The following GRIN3B variants were observed in gnomAD, a reference collection of about 807,000 sequenced individuals.
GRIN3B encodes the protein glutamate receptor ionotropic, NMDA 3B.
In GRIN3B, 77 loss-of-function variants were observed where a neutral mutation model predicts 66.0. That is an observed-to-expected ratio of 1.17 (90% CI 0.97 to 1.41). GRIN3B has a LOEUF of 1.41. Among genes scored for constraint, GRIN3B ranks in the 40% most tolerant of loss-of-function variants. The pLI is 0.00. For missense variants in GRIN3B, 1,787 were observed against 1,564.5 expected, an observed-to-expected ratio of 1.14 and a Z score of -2.40; for synonymous variants, 823 against 749.7, an observed-to-expected ratio of 1.10 and a Z score of -1.60.
rs1382748465 is a variant in GRIN3B, at chr19:1,008,637, A to T, written c.2486A>T (p.Tyr829Phe). Residue 829 changes from tyrosine to phenylalanine, a missense_variant, in exon 7 of 9, where the codon TAC becomes TTC. Tyr to Phe is a conservative substitution (Grantham distance 22). Transcript: ENST00000234389. ...AVTETLQMSI[Y>F]HFAGLFVLLC... ...CCCCAGACCCTGCAGATGAGCATCT[A>T]CCACTTCGCGGGCCTCTTCGTGTTG... 6.2e-7 allele frequency: 1 copy of T among 1,600,572 alleles called. No homozygotes were observed.
In GRIN3B at chr19:1,007,639, G is replaced by C; in HGVS notation, c.2064G>C (p.Pro688=). ...SGIHDPKLHH[P]AQGFRFGTVW... ...GGTCCCCCGCGCAGCTGCACCACCC[G>C]GCGCAGGGCTTCCGCTTCGGCACCG... The change falls in exon 4 of 9, where the codon CCG becomes CCC. Residue 688 remains proline (P), a synonymous_variant. Transcript: ENST00000234389. The surrounding 1 kb of genome is among the most constrained non-coding windows in gnomAD (Gnocchi z 4.4). 6.6e-7 allele frequency: 1 copy of C among 1,516,252 alleles called. No individual in the cohort carries two copies. Among genetic ancestry groups the C allele is most frequent in the South Asian group, 1.2e-5 (1 of 80,288 alleles). 93.9% of individuals were successfully genotyped at this position (1,516,252 alleles called of 1,614,324 possible).
At position 1,007,796 on chromosome 19, in the gene GRIN3B, G is replaced by A. The variant is rs1318984294; in HGVS notation, c.2198+23G>A. The A allele has an allele frequency of 1.6e-5, 24 of 1,515,056 alleles. No individual in the cohort carries two copies. Among genetic ancestry groups the A allele is most frequent in the Non-Finnish European group, 2.1e-5 (24 of 1,131,254 alleles). 93.9% of individuals were successfully genotyped at this position (1,515,056 alleles called of 1,614,324 possible). On this transcript the variant is annotated intron_variant, in intron 4 of 8. Transcript: ENST00000234389. The surrounding 1 kb of genome is among the most constrained non-coding windows in gnomAD (Gnocchi z 4.4). ...CACGTGAGCCCGGGCGCGGGGTGAG[G>A]CGGGGGCGGGGCGTGGGGTGGGCGG...
chr19:1,004,928 G>A lies in GRIN3B; in HGVS notation c.1427G>A (p.Cys476Tyr), dbSNP rs758162921. 3 of 1,611,976 alleles carry A rather than the reference G, an allele frequency of 1.9e-6. No individual in the cohort carries two copies. The highest frequency in any genetic ancestry group is 2.5e-6 in the Non-Finnish European group (3 of 1,179,546). Residue 476 changes from cysteine (C) to tyrosine (Y), a missense_variant, in exon 3 of 9, where the codon TGC (cysteine) becomes TAC (tyrosine). Coordinates refer to ENST00000234389, the MANE Select transcript of GRIN3B (RefSeq NM_138690.3). ...GCGCCCCGTGCCCTGCGCAAGTGCT[G>A]CTACGGCTACTGCATTGACCTGCTG... ...GSAPRALRKC[C>Y]YGYCIDLLER... is the part of the protein sequence containing the mutation.
chr19:1,008,123 T>C lies in GRIN3B; in HGVS notation c.2315-17T>C, dbSNP rs1555737987. The C allele has an allele frequency of 6.3e-7, 1 of 1,580,588 alleles. No individual in the cohort carries two copies. The highest frequency in any genetic ancestry group is 8.6e-7 in the Non-Finnish European group (1 of 1,163,262). On this transcript the variant is annotated splice_polypyrimidine_tract_variant and intron_variant, in intron 5 of 8. Coordinates refer to ENST00000234389, the MANE Select transcript of GRIN3B (RefSeq NM_138690.3). ...GGCTGTCCCACCTGGCCCCACCGCC[T>C]GGCCCCGCGCCCCCAGGCTATGGGA...
In GRIN3B at chr19:1,007,616, TC is replaced by T; in HGVS notation, c.2053-7del. 3.4e-6 allele frequency: 5 copies of T among 1,480,256 alleles called. No individual in the cohort carries two copies. The highest frequency in any genetic ancestry group is 2.7e-6 in the Non-Finnish European group (3 of 1,118,198). 91.7% of individuals were successfully genotyped at this position (1,480,256 alleles called of 1,614,324 possible). ...GGGGCAGGCAGAGGCGCTGACGGGGTCCCCCGCGCAGCTGCACCACCCGGCG... is the reference window on the plus strand; with the variant it reads ...GGGGCAGGCAGAGGCGCTGACGGGGTCCCCGCGCAGCTGCACCACCCGGCG... On this transcript the variant is annotated splice_polypyrimidine_tract_variant and intron_variant, in intron 3 of 8. Transcript: ENST00000234389. This position sits in a 1 kb window ranked among gnomAD's most constrained non-coding sequence, Gnocchi z 4.4.
In GRIN3B at chr19:1,003,430, G is replaced by A. The variant is rs771659930; in HGVS notation, c.727G>A (p.Ala243Thr). 15 of 1,542,650 alleles carry A rather than the reference G, an allele frequency of 9.7e-6. No homozygotes were observed. The highest frequency in any genetic ancestry group is 1.7e-4 in the Middle Eastern group (1 of 5,948). The change falls in exon 2 of 9, where the codon GCC becomes ACC. Residue 243 changes from alanine (A) to threonine (T), a missense_variant. Ala to Thr is a moderately conservative substitution (Grantham distance 58, BLOSUM62 0). Coordinates refer to ENST00000234389, the MANE Select transcript of GRIN3B (RefSeq NM_138690.3). ...PAAVLLGCDI[A>T]RARRVLEAVP... ...GGCGGTCCTCCTCGGCTGTGACATC[G>A]CCCGTGCCCGTCGGGTGCTGGAGGC...
rs1568391328 is a variant in GRIN3B at position 1,005,565 on chromosome 19, CGGGGGGCTGCGGGTGGCCTT to C, written c.2052+21_2052+40del. On this transcript the variant is annotated intron_variant, in intron 3 of 8. Transcript: ENST00000234389. The surrounding 1 kb of genome is among the most constrained non-coding windows in gnomAD (Gnocchi z 5.2). ...TCCACGACCCCAAGGTGGGCGGCCT[CGGGGGGCTGCGGGTGGCCTT>C]GGGGGGCTAGCGGTGGCCCCGGGCT... The C allele has an allele frequency of 5.2e-6, 8 of 1,543,560 alleles. No homozygotes were observed. Among genetic ancestry groups the C allele is most frequent in the Non-Finnish European group, 6.1e-6 (7 of 1,142,340 alleles).
rs777972190 is a variant in GRIN3B, at chr19:1,007,820, G to T, written c.2199-36G>T. 1.9e-6 allele frequency: 3 copies of T among 1,553,472 alleles called. No homozygotes were observed. The highest frequency in any genetic ancestry group is 4.9e-5 in the East Asian group (2 of 41,134). Reference sequence around the variant, plus strand: ...GGCGGGGGCGGGGCGTGGGGTGGGCGGGGCGATGGCTGACCCCCGCCCCCG... The same window carrying T: ...GGCGGGGGCGGGGCGTGGGGTGGGCTGGGCGATGGCTGACCCCCGCCCCCG... On this transcript the variant is annotated intron_variant, in intron 4 of 8. Transcript: ENST00000234389. The surrounding 1 kb of genome is among the most constrained non-coding windows in gnomAD (Gnocchi z 4.4).
chr19:1,002,521 G>A (rs2038694622), intron 1 of GRIN3B: 1 of 152,286 alleles, frequency 6.6e-6, no homozygotes, highest in Admixed American at 6.5e-5. Flanking sequence ...GGGCACAAGG[G>A]GGCCCCTCAG....
intron 1 of GRIN3B, among the ~76,000 whole-genome samples, chr19:1,001,229 C>T (rs759029976): frequency 1.3e-5 from 2 of 152,032 alleles, no homozygotes; most frequent in Non-Finnish European, 2.9e-5. Flanking sequence ...AGACCCTTCC[C>T]TGGTCCCTGG....
At position 1,008,953 on chromosome 19, in the gene GRIN3B, G is replaced by A. The variant is rs373381679; in HGVS notation, c.2702+26G>A. 2.1e-5 allele frequency: 34 copies of A among 1,581,534 alleles called. No individual in the cohort carries two copies. The African/African-American group carries it at 4.2e-4, about 19-fold the overall frequency. On this transcript the variant is annotated intron_variant, in intron 8 of 8. Transcript: ENST00000234389. ...GTAAGTGGTGGTCGGGGCGGACCAC[G>A]ATGCAGGACCACCCAGACCCACCAC...
chr19:1,005,132 TCACCAGCCCCTTCTTCTC>T lies in GRIN3B; in HGVS notation c.1640_1657del (p.Pro547_Ser552del), dbSNP rs2038732455. 2.5e-6 allele frequency: 4 copies of T among 1,613,224 alleles called. No homozygotes were observed. Among genetic ancestry groups the T allele is most frequent in the Non-Finnish European group, 3.4e-6 (4 of 1,179,928 alleles). ...TCCGCCCGCTCACAGGTGGTGGACT[TCACCAGCCCCTTCTTCTC>T]CACCAGCCTGGGCATCATGGTGCGG... On this transcript the variant is annotated inframe_deletion, in exon 3 of 9. Coordinates refer to ENST00000234389, the MANE Select transcript of GRIN3B (RefSeq NM_138690.3). The surrounding 1 kb of genome is among the most constrained non-coding windows in gnomAD (Gnocchi z 5.2).
Position 1,000,479 on chromosome 19 carries a change from G to T in GRIN3B, c.42G>T (p.Ala14=), listed in dbSNP as rs1253348623. 3 of 1,208,496 alleles carry T rather than the reference G, an allele frequency of 2.5e-6. No homozygotes were observed. Among genetic ancestry groups the T allele is most frequent in the Non-Finnish European group, 3.1e-6 (3 of 971,980 alleles). 74.9% of individuals were successfully genotyped at this position (1,208,496 alleles called of 1,614,324 possible). ...VRALWLGLAL[A]LGPGSAGGHP... is the part of the protein sequence containing the mutation. ...CGCTGTGGCTGGGCCTGGCGCTGGCGCTGGGGCCGGGGTCCGCGGGGGGCC... is the reference window on the plus strand; with the variant it reads ...CGCTGTGGCTGGGCCTGGCGCTGGCTCTGGGGCCGGGGTCCGCGGGGGGCC... The change falls in exon 1 of 9, where the codon GCG becomes GCT. Residue 14 remains alanine (A), a synonymous_variant. Coordinates refer to ENST00000234389, the MANE Select transcript of GRIN3B (RefSeq NM_138690.3).
rs1182407511 is a variant in GRIN3B at position 1,003,380 on chromosome 19, TG to T, written c.683del (p.Gly228ValfsTer129). 4.5e-6 allele frequency: 7 copies of T among 1,567,964 alleles called. No individual in the cohort carries two copies. The highest frequency in any genetic ancestry group is 2.6e-6 in the Non-Finnish European group (3 of 1,162,216). ...CGCCTGGCCCCGATGGCGGCGCCAG[TG>T]GGGGGTGAAGCACCGGTACCCGCGG... ...RARLAPMAAP[V>X]GGEAPVPAAV... is the part of the protein sequence containing the mutation. On this transcript the variant is annotated frameshift_variant, in exon 2 of 9. Coordinates refer to ENST00000234389, the MANE Select transcript of GRIN3B (RefSeq NM_138690.3). LOFTEE classifies it high-confidence loss of function.
At chr19:1,008,421 C>G in intron 6 of GRIN3B, 130 bp downstream of exon 6, 1 of 1,065,508 alleles carries the variant, frequency 9.4e-7, no homozygotes. Context: ...CACTTCTATT[C>G]ACCCTACAAA....
Position 1,005,651 on chromosome 19 carries a change from C to T in GRIN3B, c.2052+98C>T, listed in dbSNP as rs928056236. The T allele has an allele frequency of 6.1e-5, 56 of 919,414 alleles. No homozygotes were observed. The highest frequency in any genetic ancestry group is 2.4e-4 in the Admixed American group (8 of 34,010). The allele number at this position is 919,414 out of a possible 1,614,324, so 57.0% of individuals were successfully genotyped here. A position where few individuals can be genotyped will look rare whatever the true frequency, so the allele number is the denominator to read the frequency against. ...GGGGTGGTCAGCTGGACGTGGAGGA[C>T]GTCCACTAGGCCAACTCTGGTCCCA... On this transcript the variant is annotated intron_variant, in intron 3 of 8. Transcript: ENST00000234389. The surrounding 1 kb of genome is among the most constrained non-coding windows in gnomAD (Gnocchi z 5.2).
chr19:1,008,323 TG>T (rs753815924), intron 6 of GRIN3B, 32 bp downstream of exon 6: 1 of 103,232 alleles, frequency 9.7e-6, no homozygotes, highest in South Asian at 5.8e-5. Flanking sequence ...AGGGTGGGGG[TG>T]GGGGTGGGCG....
At position 1,005,342 on chromosome 19, in the gene GRIN3B, T is replaced by C. The variant is rs1196256188; in HGVS notation, c.1841T>C (p.Phe614Ser). The change falls in exon 3 of 9, where the codon TTC becomes TCC. Residue 614 changes from phenylalanine to serine, a missense_variant. Coordinates refer to ENST00000234389, the MANE Select transcript of GRIN3B (RefSeq NM_138690.3). The surrounding 1 kb of genome is among the most constrained non-coding windows in gnomAD (Gnocchi z 5.2). Reference protein sequence around the residue: ...TPRGRNRSTVFSYSSALNLCY... With the variant: ...TPRGRNRSTVSSYSSALNLCY... Reference sequence around the variant, plus strand: ...CGTGGCCGCAACCGCAGCACCGTCTTCTCCTACTCCTCAGCCCTCAACCTG... The same window carrying C: ...CGTGGCCGCAACCGCAGCACCGTCTCCTCCTACTCCTCAGCCCTCAACCTG... 10 of 1,613,632 alleles carry C rather than the reference T, an allele frequency of 6.2e-6. No individual in the cohort carries two copies. Among genetic ancestry groups the C allele is most frequent in the Non-Finnish European group, 7.6e-6 (9 of 1,180,018 alleles).
At chr19:1,009,015 G>A in intron 8 of GRIN3B, 88 bp downstream of exon 8, 1 of 1,485,072 alleles carries the variant, frequency 6.7e-7, no homozygotes, top group African/African-American at 1.4e-5. Flanking sequence ...GCGGGGTGCA[G>A]GAGGTTCCCG....
Sources: gnomAD v4.1 joint callset for allele counts (sites outside exome capture counted in the v4.1 genomes callset) on GRCh38, gnomAD v4.1.1 for gene constraint, Gnocchi (gnomAD v3.1) non-coding constraint, MANE v1.5 for transcripts, NCBI Gene and HGNC (gene_info 2026-07-23, HGNC 2026-07-21) for gene names.